The following KCNQ5 variants were observed in gnomAD, a reference collection of about 807,000 sequenced individuals.
The protein encoded by KCNQ5 is potassium voltage-gated channel subfamily KQT member 5.
KCNQ5 carries 30 observed loss-of-function variants against 98.2 expected under a neutral mutation model. The ratio of observed to expected loss-of-function variants is 0.31; its 90% CI spans 0.23 to 0.41. The LOEUF is 0.41. Among genes scored for constraint, KCNQ5 ranks in the 10% least tolerant of loss-of-function variants. The pLI is 1.00. For synonymous variants in KCNQ5, 458 were observed against 449.4 expected (o/e 1.02, Z -0.24); for missense variants, 835 against 1,182.5 (o/e 0.71, Z 4.31).
chr6:72,891,965 A>C (rs1394342668), intron 1 of KCNQ5, among the ~76,000 whole-genome samples: 1 of 152,128 alleles, frequency 6.6e-6, no homozygotes, highest in Non-Finnish European at 1.5e-5. Context: ...ACTACACTTT[A>C]TGGTCAATTT....
At chr6:73,112,477 C>G (rs1775287302) in intron 7 of KCNQ5, among the ~76,000 whole-genome samples, 1 of 151,990 alleles carries the variant, frequency 6.6e-6, no homozygotes, top group Non-Finnish European at 1.5e-5. Flanking sequence ...TCCCGAGTAG[C>G]TGGGACTACA....
intron 1 of KCNQ5, among the ~76,000 whole-genome samples, chr6:72,893,357 A>G (rs912513479): frequency 2.0e-5 from 3 of 152,292 alleles, no homozygotes; most frequent in African/African-American, 7.2e-5. Flanking sequence ...GGAGCGCAGA[A>G]TGTTTCTGCC....
At chr6:73,117,649 G>T (rs1034295863) in intron 7 of KCNQ5, among the ~76,000 whole-genome samples, 4 of 152,152 alleles carry the variant, frequency 2.6e-5, no homozygotes, top group Admixed American at 2.6e-4. Flanking sequence ...AGTTCTACAG[G>T]AGTCTTGCTT....
In KCNQ5 at chr6:73,198,401, C is replaced by G. The variant is rs972249959; in HGVS notation, c.*2987C>G. ...TGTTCTAAGGTGCCTTTCTCACCTC[C>G]CATTGATTCAGTGATTCTGAAGTTC... On this transcript the variant is annotated 3_prime_UTR_variant, in exon 14 of 14. Coordinates refer to ENST00000370398, the MANE Select transcript of KCNQ5 (RefSeq NM_019842.4). 1 of 152,154 alleles carries G rather than the reference C, an allele frequency of 6.6e-6. No homozygotes were observed. The allele number at this position is 152,154 out of a possible 1,614,324, so 9.4% of individuals were successfully genotyped here. A position where few individuals can be genotyped will look rare whatever the true frequency, so the allele number is the denominator to read the frequency against.
chr6:73,152,352 C>T (rs1172042628), intron 10 of KCNQ5, among the ~76,000 whole-genome samples: 1 of 151,956 alleles, frequency 6.6e-6, no homozygotes, highest in Admixed American at 6.6e-5. Context: ...CATTTTCTAC[C>T]TCTTTGTCTT....
intron 1 of KCNQ5, among the ~76,000 whole-genome samples, chr6:72,889,055 TAA>T (rs1049546017): frequency 2.0e-5 from 3 of 151,724 alleles, no homozygotes; most frequent in African/African-American, 7.3e-5. Flanking sequence ...TATGGAAAAA[TAA>T]AAGAGAGTAA....
At chr6:73,056,707 G>C (rs6937940) in intron 3 of KCNQ5, among the ~76,000 whole-genome samples, 1,540 of 152,248 alleles carry the variant, frequency 0.01, 31 homozygotes, top group African/African-American at 0.036. Flanking sequence ...GTTCATTTGA[G>C]CATAACTGTA....
intron 1 of KCNQ5, among the ~76,000 whole-genome samples, chr6:72,989,655 G>A (rs1265625091): frequency 5.3e-3 from 1 of 188 alleles, no homozygotes; most frequent in Non-Finnish European, 0.01. Context: ...AAGCTCTTTA[G>A]TTTAATTAGA....
At chr6:72,744,758 C>T (rs1008673023) in intron 1 of KCNQ5, among the ~76,000 whole-genome samples, 4 of 151,648 alleles carry the variant, frequency 2.6e-5, no homozygotes, top group African/African-American at 9.7e-5. Flanking sequence ...TTGCAGTGAG[C>T]CAAGATCGTT....
At chr6:73,009,418 T>C (rs1252704762) in intron 2 of KCNQ5, among the ~76,000 whole-genome samples, 1 of 152,044 alleles carries the variant, frequency 6.6e-6, no homozygotes, top group East Asian at 1.9e-4. Context: ...AAATTATAGC[T>C]ATAAATGCTT....
At chr6:72,689,256 C>CA (rs1254669432) in intron 1 of KCNQ5, among the ~76,000 whole-genome samples, 1 of 152,190 alleles carries the variant, frequency 6.6e-6, no homozygotes, top group African/African-American at 2.4e-5. Flanking sequence ...AGAGCAGAGA[C>CA]AAGGGGGCAG....
At chr6:73,188,478 G>A (rs892499939) in intron 11 of KCNQ5, among the ~76,000 whole-genome samples, 3 of 152,166 alleles carry the variant, frequency 2.0e-5, no homozygotes, top group Admixed American at 6.5e-5. Context: ...AGACAGCAAA[G>A]AAGGGTTCTA....
intron 9 of KCNQ5, among the ~76,000 whole-genome samples, chr6:73,131,319 A>G: frequency 6.6e-6 from 1 of 152,096 alleles, no homozygotes; most frequent in East Asian, 1.9e-4. Context: ...TTTAGTTGAC[A>G]TAGAAAAGAG....
chr6:73,008,150 A>T (rs1477076774), intron 2 of KCNQ5, among the ~76,000 whole-genome samples: 2 of 152,176 alleles, frequency 1.3e-5, no homozygotes, highest in Non-Finnish European at 2.9e-5. Flanking sequence ...TTCACTACAA[A>T]AAAAAAATGA....
chr6:72,791,533 A>T (rs1408932491), intron 1 of KCNQ5, among the ~76,000 whole-genome samples: 1 of 151,928 alleles, frequency 6.6e-6, no homozygotes, highest in Non-Finnish European at 1.5e-5. Context: ...ATATCAAATG[A>T]CTCCTGCCTA....
intron 1 of KCNQ5, among the ~76,000 whole-genome samples, chr6:72,816,583 A>G (rs1165725687): frequency 6.6e-6 from 1 of 152,216 alleles, no homozygotes; most frequent in Non-Finnish European, 1.5e-5. Context: ...ATATGGGATC[A>G]AGGATGTAAT....
chr6:72,905,803 G>T (rs953807351), intron 1 of KCNQ5, among the ~76,000 whole-genome samples: 1 of 151,468 alleles, frequency 6.6e-6, no homozygotes, highest in African/African-American at 2.5e-5. Context: ...AGAGGTGTCA[G>T]GGGGGTGAAA....
intron 1 of KCNQ5, among the ~76,000 whole-genome samples, chr6:72,961,762 A>C (rs1169199123): frequency 6.6e-6 from 1 of 152,114 alleles, no homozygotes; most frequent in East Asian, 1.9e-4. Context: ...AAAATGATGA[A>C]ATCCATTCAG....
At chr6:73,128,108 A>G (rs1776065613) in intron 9 of KCNQ5, among the ~76,000 whole-genome samples, 1 of 152,232 alleles carries the variant, frequency 6.6e-6, no homozygotes, top group South Asian at 2.1e-4. Context: ...TAATCTGAAG[A>G]AGAGCTTTTT....
Sources: gnomAD v4.1 joint callset for allele counts (sites outside exome capture counted in the v4.1 genomes callset) on GRCh38, gnomAD v4.1.1 for gene constraint, MANE v1.5 for transcripts, NCBI Gene and HGNC (gene_info 2026-07-23, HGNC 2026-07-21) for gene names.